Variants in AMD1 observed in about 807,000 individuals in gnomAD.
AMD1 encodes the protein adenosylmethionine decarboxylase 1, also known as S-adenosylmethionine decarboxylase proenzyme.
Under a neutral mutation model 40.2 loss-of-function variants are expected in AMD1, and 11 were observed. The ratio of observed to expected loss-of-function variants is 0.27; its 90% CI spans 0.17 to 0.45. The LOEUF is 0.45. AMD1 is among the 20% of genes least tolerant of loss of function. The pLI, the probability that AMD1 is intolerant of heterozygous loss-of-function variation, is 1.00. For synonymous variants in AMD1, 121 were observed against 130.8 expected (o/e 0.93, Z 0.51); for missense variants, 257 against 410.2 (o/e 0.63, Z 3.23).
chr6:110,865,755 TTTTC>T, the AMD1 span, among the ~76,000 whole-genome samples: 90 of 152,144 alleles, frequency 5.9e-4, no homozygotes, highest in African/African-American at 1.7e-3. Flanking sequence ...AATTTTCTTT[TTTTC>T]TTTCTTTCTT....
At chr6:110,883,784 A>G (rs1488148324) in intron 1 of AMD1, among the ~76,000 whole-genome samples, 4 of 151,278 alleles carry the variant, frequency 2.6e-5, no homozygotes, top group Non-Finnish European at 4.4e-5. Context: ...TTTTTAGTAG[A>G]GACGGGGTTT....
chr6:110,839,966 C>T, the AMD1 span, among the ~76,000 whole-genome samples: 3 of 151,312 alleles, frequency 2.0e-5, no homozygotes, highest in African/African-American at 7.3e-5. Flanking sequence ...ATATCACCCC[C>T]ATATAAGGCT....
chr6:110,893,712 C>G lies in AMD1; in HGVS notation c.*96C>G. The G allele has an allele frequency of 7.3e-7, 1 of 1,376,960 alleles. No homozygotes were observed. The highest frequency in any genetic ancestry group is 2.4e-5 in the East Asian group (1 of 42,450). The allele number at this position is 1,376,960 out of a possible 1,614,324, so 85.3% of individuals were successfully genotyped here. A position where few individuals can be genotyped will look rare whatever the true frequency, so the allele number is the denominator to read the frequency against. On this transcript the variant is annotated 3_prime_UTR_variant, in exon 9 of 9. Coordinates refer to ENST00000368885, the MANE Select transcript of AMD1 (RefSeq NM_001634.6). ...ATGCTGGGGGCAGTGCTTTCCATAA[C>G]CACCACTGTGTAGTTGCAGAAAGCC...
the AMD1 span, chr6:110,814,974 C>T: frequency 6.3e-7 from 1 of 1,597,740 alleles, no homozygotes. Flanking sequence ...GGGCGAGGAC[C>T]CGAGCGAGCC....
At chr6:110,844,233 AAAAGAAAG>A in the AMD1 span, among the ~76,000 whole-genome samples, 1,545 of 151,528 alleles carry the variant, frequency 0.01, 29 homozygotes, top group African/African-American at 0.036. Context: ...ACTTCAAAAA[AAAAGAAAG>A]AAAGAAAGAA....
At chr6:110,868,029 T>A in the AMD1 span, among the ~76,000 whole-genome samples, 1 of 152,194 alleles carries the variant, frequency 6.6e-6, no homozygotes, top group Non-Finnish European at 1.5e-5. Flanking sequence ...CTGGCTACGT[T>A]GACCAGGCTG....
At chr6:110,827,859 C>T in the AMD1 span, among the ~76,000 whole-genome samples, 3 of 151,338 alleles carry the variant, frequency 2.0e-5, no homozygotes, top group Non-Finnish European at 4.4e-5. Flanking sequence ...GAAAGCATAA[C>T]ATGTTAGACA....
the AMD1 span, among the ~76,000 whole-genome samples, chr6:110,820,236 C>CT: frequency 2.3e-5 from 3 of 132,188 alleles, no homozygotes; most frequent in South Asian, 2.8e-4. Context: ...TTCTTTCTTT[C>CT]TTTCTTTTTT....
chr6:110,878,050 C>CA (rs1475212524), intron 1 of AMD1, among the ~76,000 whole-genome samples: 1 of 152,112 alleles, frequency 6.6e-6, no homozygotes. Flanking sequence ...ATGGAGAACC[C>CA]AAAACAGTCC....
chr6:110,882,044 T>A (rs1785435973), intron 1 of AMD1, among the ~76,000 whole-genome samples: 1 of 152,214 alleles, frequency 6.6e-6, no homozygotes, highest in Non-Finnish European at 1.5e-5. Context: ...GACTAGTGCT[T>A]CAAAGTCTCA....
the AMD1 span, among the ~76,000 whole-genome samples, chr6:110,832,081 C>T: frequency 2.0e-5 from 3 of 147,220 alleles, no homozygotes; most frequent in Non-Finnish European, 3.0e-5. Context: ...GGCAGGATCT[C>T]GGCTCACTGC....
chr6:110,843,325 G>A, the AMD1 span, among the ~76,000 whole-genome samples: 13 of 147,562 alleles, frequency 8.8e-5, no homozygotes, highest in South Asian at 2.2e-4. Context: ...TTAGCTGGGC[G>A]CAGTGGTGCA....
At chr6:110,840,015 T>C in the AMD1 span, among the ~76,000 whole-genome samples, 8 of 123,056 alleles carry the variant, frequency 6.5e-5, no homozygotes, top group African/African-American at 2.3e-4. Context: ...TTCTCTCTCT[T>C]TTTTTTTTTT....
the AMD1 span, chr6:110,815,237 CCTCTCG>C: frequency 1.6e-6 from 2 of 1,286,326 alleles, no homozygotes; most frequent in South Asian, 2.1e-5. Flanking sequence ...CCAACAGCCG[CCTCTCG>C]CGCGCGCGCG....
the AMD1 span, chr6:110,815,842 C>G: frequency 6.6e-6 from 1 of 152,424 alleles, no homozygotes; most frequent in Admixed American, 6.5e-5. Context: ...ACTCGGGAGG[C>G]GAGGGCTGGT....
At chr6:110,867,070 C>T in the AMD1 span, among the ~76,000 whole-genome samples, 6 of 152,094 alleles carry the variant, frequency 3.9e-5, no homozygotes, top group Non-Finnish European at 8.8e-5. Flanking sequence ...GCCTCGGCCT[C>T]CCAAAGTGCT....
chr6:110,816,266 C>A, the AMD1 span, among the ~76,000 whole-genome samples: 2 of 152,084 alleles, frequency 1.3e-5, no homozygotes, highest in African/African-American at 4.8e-5. Flanking sequence ...GAGGAAGCCG[C>A]GTTTACGATC....
the AMD1 span, among the ~76,000 whole-genome samples, chr6:110,819,674 C>T: frequency 6.6e-6 from 1 of 152,176 alleles, no homozygotes; most frequent in Non-Finnish European, 1.5e-5. Flanking sequence ...GGCATTTGAA[C>T]CACAGTGACT....
intron 1 of AMD1, 114 bp downstream of exon 1, chr6:110,875,329 C>A: frequency 2.3e-6 from 2 of 874,340 alleles, no homozygotes; most frequent in Non-Finnish European, 1.8e-6. Flanking sequence ...GGCAAGTCTG[C>A]GGCCTGGGGT....
Sources: allele counts gnomAD v4.1 joint callset (sites outside exome capture counted in the v4.1 genomes callset), GRCh38; gene constraint gnomAD v4.1.1; transcripts MANE v1.5; gene names NCBI Gene and HGNC (gene_info 2026-07-23, HGNC 2026-07-21).